Variants in LCLAT1 observed in about 807,000 individuals in gnomAD.
The protein encoded by LCLAT1 is lysocardiolipin acyltransferase 1, also known as 1-AGP acyltransferase 8.
A neutral mutation model predicts 30.7 loss-of-function variants in LCLAT1; 11 were observed. The ratio of observed to expected loss-of-function variants is 0.36; its 90% CI spans 0.23 to 0.59. The LOEUF is 0.59. LCLAT1 is among the 20% of genes least tolerant of loss of function. The pLI is 0.77. For synonymous variants in LCLAT1, 155 were observed against 151.3 expected (o/e 1.02, Z -0.18); for missense variants, 402 against 458.6 (o/e 0.88, Z 1.13).
intron 1 of LCLAT1, among the ~76,000 whole-genome samples, chr2:30,451,776 G>A (rs1266865062): frequency 1.6e-5 from 2 of 121,562 alleles, no homozygotes; most frequent in African/African-American, 6.5e-5. Flanking sequence ...AGAACCAGTT[G>A]TACATCAGCA....
intron 5 of LCLAT1, among the ~76,000 whole-genome samples, chr2:30,570,548 G>A (rs1300097096): frequency 6.6e-6 from 1 of 152,074 alleles, no homozygotes; most frequent in East Asian, 1.9e-4. Flanking sequence ...AGAAATTGAG[G>A]TAAAGAACCT....
At chr2:30,611,532 T>G (rs907656116) in intron 5 of LCLAT1, among the ~76,000 whole-genome samples, 3 of 152,100 alleles carry the variant, frequency 2.0e-5, no homozygotes, top group African/African-American at 4.8e-5. Context: ...TCTTTCTCTC[T>G]CCCCCTGACT....
intron 1 of LCLAT1, among the ~76,000 whole-genome samples, chr2:30,517,704 G>A (rs1413066177): frequency 6.6e-6 from 1 of 152,196 alleles, no homozygotes; most frequent in Non-Finnish European, 1.5e-5. Flanking sequence ...AGGGAAGGGA[G>A]AAAGAGAGGG....
At chr2:30,456,334 T>C (rs1364517618) in intron 1 of LCLAT1, among the ~76,000 whole-genome samples, 1 of 152,140 alleles carries the variant, frequency 6.6e-6, no homozygotes, top group Non-Finnish European at 1.5e-5. Flanking sequence ...AGAAGGAGTG[T>C]CTCATTACTG....
rs1665259657 is a variant in LCLAT1, at chr2:30,562,190, T to C, written c.409T>C (p.Trp137Arg). Reference sequence around the variant, plus strand: ...TGCCTATATCTTCATTCATAGGAAATGGAAGGATGACAAGAGCCATTTCGA... The same window carrying C: ...TGCCTATATCTTCATTCATAGGAAACGGAAGGATGACAAGAGCCATTTCGA... Reference protein sequence around the residue: ...AAAYIFIHRKWKDDKSHFEDM... With the variant: ...AAAYIFIHRKRKDDKSHFEDM... Residue 137 changes from tryptophan to arginine, a missense_variant, in exon 4 of 6, where the codon TGG (tryptophan) becomes CGG (arginine). Physicochemically the swap from Trp to Arg is moderately radical, Grantham distance 101. Coordinates refer to ENST00000379509, the MANE Select transcript of LCLAT1 (RefSeq NM_001002257.3). 6.2e-7 allele frequency: 1 copy of C among 1,613,498 alleles called. No individual in the cohort carries two copies. The highest frequency in any genetic ancestry group is 8.5e-7 in the Non-Finnish European group (1 of 1,179,574).
intron 1 of LCLAT1, among the ~76,000 whole-genome samples, chr2:30,518,886 C>T (rs1041800143): frequency 6.6e-6 from 1 of 152,200 alleles, no homozygotes; most frequent in Admixed American, 6.5e-5. Context: ...CAGGCATTAG[C>T]CCAAGACTTG....
chr2:30,622,132 G>A (rs1341381690), intron 5 of LCLAT1, among the ~76,000 whole-genome samples: 1 of 152,100 alleles, frequency 6.6e-6, no homozygotes, highest in African/African-American at 2.4e-5. Flanking sequence ...ACTGGGTGAG[G>A]CCTGTCACTG....
At chr2:30,479,875 G>A (rs1683240919) in intron 1 of LCLAT1, among the ~76,000 whole-genome samples, 2 of 152,106 alleles carry the variant, frequency 1.3e-5, no homozygotes. Context: ...AACTGAGTTC[G>A]GACCTCAGCT....
chr2:30,617,316 T>C (rs1004888408), intron 5 of LCLAT1, among the ~76,000 whole-genome samples: 8 of 152,194 alleles, frequency 5.3e-5, no homozygotes, highest in Non-Finnish European at 1.2e-4. Context: ...TGGTTTAAGT[T>C]AGAATAATGC....
At chr2:30,542,705 G>A (rs981115515) in intron 3 of LCLAT1, among the ~76,000 whole-genome samples, 2 of 151,888 alleles carry the variant, frequency 1.3e-5, no homozygotes, top group African/African-American at 2.4e-5. Context: ...TTCATATAAA[G>A]GTCTTTCACA....
chr2:30,600,106 T>G (rs886783586), intron 5 of LCLAT1, among the ~76,000 whole-genome samples: 25 of 152,176 alleles, frequency 1.6e-4, no homozygotes, highest in African/African-American at 6.0e-4. Flanking sequence ...AAGGCAGGCC[T>G]GGTTGTGACA....
At position 30,578,980 on chromosome 2, in the gene LCLAT1, C is replaced by G. The variant is rs143192836; in HGVS notation, c.628+10804C>G. On this transcript the variant is annotated intron_variant, in intron 5 of 5. Coordinates refer to ENST00000379509, the MANE Select transcript of LCLAT1 (RefSeq NM_001002257.3). Reference sequence around the variant, plus strand: ...AACCTTTTGGATCAGTAAAAAGCATCTTTACCATGTTGGTTCCATTATTCA... The same window carrying G: ...AACCTTTTGGATCAGTAAAAAGCATGTTTACCATGTTGGTTCCATTATTCA... Among the ~76,000 whole-genome samples the G allele has an allele frequency of 1.6e-3, 245 of 152,222 alleles. 1 individual carries two copies. The highest frequency in any genetic ancestry group is 5.5e-3 in the African/African-American group (229 of 41,562).
chr2:30,455,955 G>A (rs1303375170), intron 1 of LCLAT1, among the ~76,000 whole-genome samples: 4 of 146,970 alleles, frequency 2.7e-5, no homozygotes, highest in East Asian at 2.0e-4. Flanking sequence ...TGCTCCCTAC[G>A]CTTCTGTTTT....
chr2:30,573,073 G>A (rs1041172665), intron 5 of LCLAT1, among the ~76,000 whole-genome samples: 2 of 152,112 alleles, frequency 1.3e-5, no homozygotes, highest in African/African-American at 4.8e-5. Context: ...GTTTTTAATT[G>A]TAAAAACAGA....
At chr2:30,592,808 CA>C (rs2148480135) in intron 5 of LCLAT1, among the ~76,000 whole-genome samples, 1 of 152,198 alleles carries the variant, frequency 6.6e-6, no homozygotes, top group East Asian at 1.9e-4. Flanking sequence ...TGATATGTAA[CA>C]GTTGTATGTA....
chr2:30,451,302 C>T (rs557942957), intron 1 of LCLAT1, among the ~76,000 whole-genome samples: 2 of 152,256 alleles, frequency 1.3e-5, no homozygotes, highest in South Asian at 4.1e-4. Context: ...CCAACTGGAT[C>T]TCTTACATAT....
intron 1 of LCLAT1, among the ~76,000 whole-genome samples, chr2:30,518,347 G>A (rs545162379): frequency 1.1e-3 from 165 of 152,154 alleles, no homozygotes; most frequent in African/African-American, 3.8e-3. Context: ...AAACACAATG[G>A]GTATTCAGTA....
intron 5 of LCLAT1, among the ~76,000 whole-genome samples, chr2:30,603,501 A>G (rs1308092654): frequency 2.0e-5 from 3 of 152,096 alleles, no homozygotes; most frequent in Non-Finnish European, 4.4e-5. Context: ...ATGGTTTCCA[A>G]CTGGAGAATT....
chr2:30,642,513 AAT>A lies in LCLAT1; in HGVS notation c.*1896_*1897del, dbSNP rs937515865. On this transcript the variant is annotated 3_prime_UTR_variant, in exon 6 of 6. Coordinates refer to ENST00000379509, the MANE Select transcript of LCLAT1 (RefSeq NM_001002257.3). Reference sequence around the variant, plus strand: ...TCCTTTGGTTGTATTTAGAAACACAAATAGTTTTATAATCAGGATTGCATTTG... The same window carrying A: ...TCCTTTGGTTGTATTTAGAAACACAAAGTTTTATAATCAGGATTGCATTTG... The A allele has an allele frequency of 3.3e-5, 5 of 151,888 alleles. No homozygotes were observed. The highest frequency in any genetic ancestry group is 7.4e-5 in the Non-Finnish European group (5 of 67,974). 9.4% of individuals were successfully genotyped at this position (151,888 alleles called of 1,614,324 possible).
Sources: allele counts gnomAD v4.1 joint callset (sites outside exome capture counted in the v4.1 genomes callset), GRCh38; gene constraint gnomAD v4.1.1; transcripts MANE v1.5; gene names NCBI Gene and HGNC (gene_info 2026-07-23, HGNC 2026-07-21).